SHISA9: variants seen among roughly 807,000 people sequenced by gnomAD.
SHISA9 encodes shisa family member 9.
A neutral mutation model predicts 38.0 loss-of-function variants in SHISA9; 13 were observed. The observed-to-expected ratio is 0.34, with a 90% CI of 0.22 to 0.54. The LOEUF (loss-of-function observed/expected upper bound fraction) is 0.54, where lower values mean the gene tolerates loss of function less well. Ranked by LOEUF, SHISA9 falls within the 20% of genes least tolerant of loss-of-function variation. The pLI, the probability that SHISA9 is intolerant of heterozygous loss-of-function variation, is 0.91. For missense variants in SHISA9, 538 were observed against 575.8 expected (o/e 0.93, Z 0.67); for synonymous variants, 275 against 242.0 (o/e 1.14, Z -1.27).
At chr16:13,561,627 G>A in the SHISA9 span, among the ~76,000 whole-genome samples, 1 of 152,174 alleles carries the variant, frequency 6.6e-6, no homozygotes. Flanking sequence ...GCGAGGTGTG[G>A]GGAGCTGAGG....
intron 2 of SHISA9, among the ~76,000 whole-genome samples, chr16:13,042,172 A>G (rs1350518197): frequency 6.6e-6 from 1 of 152,230 alleles, no homozygotes; most frequent in Non-Finnish European, 1.5e-5. Context: ...TGCAAAACAC[A>G]GTGGCCACAA....
chr16:12,915,842 A>C (rs2071246538), intron 1 of SHISA9, among the ~76,000 whole-genome samples: 1 of 152,222 alleles, frequency 6.6e-6, no homozygotes, highest in South Asian at 2.1e-4. Context: ...CAATACCTAC[A>C]AAAATATATA....
intron 2 of SHISA9, among the ~76,000 whole-genome samples, chr16:12,970,467 G>GTATA (rs1567168028): frequency 0.02 from 458 of 23,484 alleles, 9 homozygotes; most frequent in South Asian, 0.023. Context: ...ATATATGTGT[G>GTATA]TGTATATATA....
At chr16:13,218,781 A>G (rs572482807) in intron 4 of SHISA9, among the ~76,000 whole-genome samples, 5 of 152,318 alleles carry the variant, frequency 3.3e-5, no homozygotes, top group Middle Eastern at 3.4e-3. Flanking sequence ...ACTTAGCCCA[A>G]TGAGAAATGC....
the SHISA9 span, among the ~76,000 whole-genome samples, chr16:13,356,005 C>T: frequency 2.6e-5 from 4 of 152,142 alleles, no homozygotes; most frequent in Non-Finnish European, 5.9e-5. Context: ...TTCCTTGGCC[C>T]AGTGGCCAGA....
At chr16:12,903,940 GA>G in intron 1 of SHISA9, among the ~76,000 whole-genome samples, 1 of 149,750 alleles carries the variant, frequency 6.7e-6, no homozygotes, top group Non-Finnish European at 1.5e-5. Flanking sequence ...TATCCGATGA[GA>G]TTTTTTTTTT....
At chr16:13,194,397 T>C (rs2050917219) in intron 2 of SHISA9, among the ~76,000 whole-genome samples, 1 of 152,134 alleles carries the variant, frequency 6.6e-6, no homozygotes, top group Non-Finnish European at 1.5e-5. Context: ...GACTGTCAGG[T>C]TCAAAGCTTG....
the SHISA9 span, among the ~76,000 whole-genome samples, chr16:13,475,927 G>A: frequency 6.6e-6 from 1 of 152,172 alleles, no homozygotes; most frequent in African/African-American, 2.4e-5. Flanking sequence ...TGATCTGGCA[G>A]GAGGCAGAGC....
At chr16:13,330,681 A>G in the SHISA9 span, among the ~76,000 whole-genome samples, 4 of 152,202 alleles carry the variant, frequency 2.6e-5, no homozygotes, top group Non-Finnish European at 5.9e-5. Flanking sequence ...ATGGCTGCAT[A>G]GTATTCCATT....
At chr16:13,081,636 G>A (rs934918336) in intron 2 of SHISA9, among the ~76,000 whole-genome samples, 8 of 151,810 alleles carry the variant, frequency 5.3e-5, no homozygotes, top group Admixed American at 2.6e-4. Context: ...TAATCAGAGC[G>A]CTTGTCTCCT....
chr16:13,206,112 C>A (rs770050375), intron 3 of SHISA9, among the ~76,000 whole-genome samples: 1 of 152,076 alleles, frequency 6.6e-6, no homozygotes, highest in Non-Finnish European at 1.5e-5. Flanking sequence ...GGAGTCCTCA[C>A]CTTCCCAGCA....
intron 2 of SHISA9, among the ~76,000 whole-genome samples, chr16:13,043,066 G>A (rs749007211): frequency 1.3e-5 from 2 of 152,198 alleles, no homozygotes; most frequent in African/African-American, 2.4e-5. Context: ...AGCAGTTGGA[G>A]GGTAGAGGTA....
At chr16:13,062,397 A>G (rs2073386684) in intron 2 of SHISA9, among the ~76,000 whole-genome samples, 1 of 152,152 alleles carries the variant, frequency 6.6e-6, no homozygotes, top group Admixed American at 6.5e-5. Context: ...CAAGGACTGC[A>G]TCTAGGTACA....
At chr16:13,085,743 G>A (rs922528261) in intron 2 of SHISA9, among the ~76,000 whole-genome samples, 1 of 152,134 alleles carries the variant, frequency 6.6e-6, no homozygotes, top group African/African-American at 2.4e-5. Flanking sequence ...TACCTTCGCA[G>A]TCTTATTTCT....
At chr16:13,269,628 T>C in the SHISA9 span, among the ~76,000 whole-genome samples, 1 of 151,956 alleles carries the variant, frequency 6.6e-6, no homozygotes, top group African/African-American at 2.4e-5. Context: ...ATAAAGGAGG[T>C]AAACAAAAAT....
At chr16:13,470,275 C>G in the SHISA9 span, among the ~76,000 whole-genome samples, 13 of 152,058 alleles carry the variant, frequency 8.5e-5, no homozygotes, top group African/African-American at 3.1e-4. Flanking sequence ...AGTTTGCAAT[C>G]CAAGGTAGAG....
chr16:13,319,713 C>G, the SHISA9 span, among the ~76,000 whole-genome samples: 1 of 151,580 alleles, frequency 6.6e-6, no homozygotes, highest in East Asian at 2.0e-4. Context: ...GCAGAGGAGC[C>G]CTGGGAATGG....
At chr16:12,943,757 C>G (rs1221199420) in intron 2 of SHISA9, among the ~76,000 whole-genome samples, 2 of 152,070 alleles carry the variant, frequency 1.3e-5, no homozygotes, top group African/African-American at 4.8e-5. Flanking sequence ...TTAGAAAACA[C>G]CCTGCCTCCA....
chr16:13,250,463 A>C, the SHISA9 span, among the ~76,000 whole-genome samples: 1 of 152,146 alleles, frequency 6.6e-6, no homozygotes, highest in Non-Finnish European at 1.5e-5. Flanking sequence ...GAAATTCTTC[A>C]TTTTAATTCT....
Sources: gnomAD v4.1 joint callset for allele counts (sites outside exome capture counted in the v4.1 genomes callset) on GRCh38, gnomAD v4.1.1 for gene constraint, MANE v1.5 for transcripts, NCBI Gene and HGNC (gene_info 2026-07-23, HGNC 2026-07-21) for gene names.